Variants in CPNE8 observed in about 807,000 individuals in gnomAD.
CPNE8 encodes copine 8.
A neutral mutation model predicts 81.5 loss-of-function variants in CPNE8; 45 were observed. That is an observed-to-expected ratio of 0.55 (90% CI 0.44 to 0.71). The LOEUF (loss-of-function observed/expected upper bound fraction) is 0.71. Ranked by LOEUF, CPNE8 falls within the 30% of genes least tolerant of loss-of-function variation. The pLI, the probability that CPNE8 is intolerant of heterozygous loss-of-function variation, is 0.00. For synonymous variants in CPNE8, 252 were observed against 226.3 expected (o/e 1.11, Z -1.02); for missense variants, 594 against 672.1 (o/e 0.88, Z 1.28).
At chr12:38,658,083 G>A (rs1469150218) in intron 19 of CPNE8, among the ~76,000 whole-genome samples, 1 of 151,904 alleles carries the variant, frequency 6.6e-6, no homozygotes, top group Non-Finnish European at 1.5e-5. Context: ...TCAGAAGGTC[G>A]GTAATAATAA....
intron 13 of CPNE8, among the ~76,000 whole-genome samples, chr12:38,713,913 T>C (rs1041695700): frequency 6.6e-6 from 1 of 152,174 alleles, no homozygotes; most frequent in Non-Finnish European, 1.5e-5. Flanking sequence ...CAGGATTTCA[T>C]GTTGACATGA....
At chr12:38,791,754 A>C (rs1942328640) in intron 6 of CPNE8, among the ~76,000 whole-genome samples, 1 of 151,690 alleles carries the variant, frequency 6.6e-6, no homozygotes, top group Non-Finnish European at 1.5e-5. Context: ...AGACATACAG[A>C]ATATGTCACT....
At chr12:38,787,872 C>T (rs1032127644) in intron 6 of CPNE8, among the ~76,000 whole-genome samples, 1 of 147,478 alleles carries the variant, frequency 6.8e-6, no homozygotes, top group Admixed American at 6.9e-5. Flanking sequence ...TAGACATATA[C>T]AATCTACCAT....
chr12:38,905,352 G>T, intron 1 of CPNE8, 85 bp downstream of exon 1: 1 of 1,460,814 alleles, frequency 6.8e-7, no homozygotes, highest in Non-Finnish European at 9.3e-7. Context: ...CCTGCGCAAA[G>T]CCTCGTGGTA....
intron 10 of CPNE8, among the ~76,000 whole-genome samples, chr12:38,737,147 A>T (rs1038959198): frequency 1.3e-5 from 2 of 151,752 alleles, no homozygotes; most frequent in Non-Finnish European, 2.9e-5. Flanking sequence ...AATAATTATC[A>T]TTATTATACG....
At chr12:38,736,219 A>ATG (rs1555150086) in intron 10 of CPNE8, among the ~76,000 whole-genome samples, 7 of 149,806 alleles carry the variant, frequency 4.7e-5, no homozygotes, top group South Asian at 4.2e-4. Context: ...GGGTGTATAT[A>ATG]TGTGTGTGTG....
intron 1 of CPNE8, among the ~76,000 whole-genome samples, chr12:38,882,912 C>A (rs1337182052): frequency 6.6e-6 from 1 of 152,168 alleles, no homozygotes; most frequent in African/African-American, 2.4e-5. Context: ...AATTTCCTCA[C>A]CAACCCCTTT....
At chr12:38,782,823 C>A (rs1027549543) in intron 6 of CPNE8, among the ~76,000 whole-genome samples, 1 of 151,852 alleles carries the variant, frequency 6.6e-6, no homozygotes, top group Non-Finnish European at 1.5e-5. Flanking sequence ...TAGGAATACA[C>A]ATATGTGCCA....
intron 6 of CPNE8, among the ~76,000 whole-genome samples, chr12:38,792,536 T>C (rs1942351411): frequency 6.6e-6 from 1 of 151,370 alleles, no homozygotes; most frequent in African/African-American, 2.4e-5. Flanking sequence ...CATGAAAAAA[T>C]AGAAAATCTA....
intron 14 of CPNE8, among the ~76,000 whole-genome samples, chr12:38,702,508 A>G (rs1939971862): frequency 1.3e-5 from 2 of 152,166 alleles, no homozygotes; most frequent in South Asian, 4.1e-4. Context: ...GAGGATTATA[A>G]CTTAATACAC....
At chr12:38,792,245 T>C (rs1001309704) in intron 6 of CPNE8, among the ~76,000 whole-genome samples, 2 of 147,532 alleles carry the variant, frequency 1.4e-5, no homozygotes, top group Non-Finnish European at 3.0e-5. Context: ...AGAGCACACA[T>C]AAATAAAATA....
chr12:38,799,971 C>T (rs7960901), intron 6 of CPNE8, among the ~76,000 whole-genome samples: 47,223 of 146,290 alleles, frequency 0.32, 8,964 homozygotes, highest in Non-Finnish European at 0.43. Flanking sequence ...CGGCGCACCA[C>T]GAGACTGTAT....
intron 1 of CPNE8, among the ~76,000 whole-genome samples, chr12:38,880,583 G>A (rs1222745066): frequency 6.6e-6 from 1 of 152,006 alleles, no homozygotes; most frequent in Non-Finnish European, 1.5e-5. Flanking sequence ...TTTATTTAGG[G>A]CATTATGTTA....
intron 13 of CPNE8, among the ~76,000 whole-genome samples, chr12:38,717,320 G>GA (rs904941765): frequency 8.7e-5 from 13 of 149,828 alleles, no homozygotes; most frequent in Non-Finnish European, 1.8e-4. Context: ...GCCATTATAT[G>GA]AAAAAAACAC....
chr12:38,784,490 T>C (rs913398760), intron 6 of CPNE8, among the ~76,000 whole-genome samples: 2 of 152,080 alleles, frequency 1.3e-5, no homozygotes, highest in African/African-American at 4.8e-5. Flanking sequence ...TTCCCAGACC[T>C]AGAGAAAGAT....
chr12:38,902,319 A>AAGGAAGGAAGGAAG (rs1565669970), intron 1 of CPNE8, among the ~76,000 whole-genome samples: 3 of 41,276 alleles, frequency 7.3e-5, no homozygotes, highest in African/African-American at 3.5e-4. Flanking sequence ...AAGGAAGGAA[A>AAGGAAGGAAGGAAG]GAAAGAAAGA....
chr12:38,787,968 C>A (rs570401736), intron 6 of CPNE8, among the ~76,000 whole-genome samples: 72 of 125,784 alleles, frequency 5.7e-4, no homozygotes, highest in African/African-American at 1.8e-3. Context: ...TAAAAAGTCT[C>A]CCAGAAAAAA....
At position 38,831,993 on chromosome 12, in the gene CPNE8, T is replaced by G. The variant is rs146671391; in HGVS notation, c.331-2538A>C. 1.0e-3 allele frequency among the ~76,000 whole-genome samples: 152 copies of G among 152,326 alleles called. No individual in the cohort carries two copies. The East Asian group carries it at 0.025, about 25-fold the overall frequency. On this transcript the variant is annotated intron_variant, in intron 5 of 19. Coordinates refer to ENST00000331366, the MANE Select transcript of CPNE8 (RefSeq NM_153634.3). The stretch of plus-strand genomic sequence containing the variant: ...ACATAAATATTGAGCAGGATCATAT[T>G]AATATGGAGACACACTAACAAATAC...
chr12:38,778,261 C>T (rs909807307), intron 6 of CPNE8, among the ~76,000 whole-genome samples: 1 of 152,074 alleles, frequency 6.6e-6, no homozygotes, highest in Non-Finnish European at 1.5e-5. Context: ...TGGGTTAGAC[C>T]ATCTAGGTTT....
Sources: gnomAD v4.1 joint callset for allele counts (sites outside exome capture counted in the v4.1 genomes callset) on GRCh38, gnomAD v4.1.1 for gene constraint, MANE v1.5 for transcripts, NCBI Gene and HGNC (gene_info 2026-07-23, HGNC 2026-07-21) for gene names.